The following NOL11 variants were observed in gnomAD, a reference collection of about 807,000 sequenced individuals.
NOL11 encodes the protein nucleolar protein 11.
A neutral mutation model predicts 93.0 loss-of-function variants in NOL11; 42 were observed. The observed-to-expected ratio is 0.45, with a 90% CI of 0.35 to 0.58. NOL11 has a LOEUF of 0.58. NOL11 is among the 20% of genes least tolerant of loss of function. The pLI is 0.00. For synonymous variants in NOL11, 296 were observed against 293.7 expected (o/e 1.01, Z -0.08); for missense variants, 775 against 841.8 (o/e 0.92, Z 0.98).
At chr17:67,724,854 C>A (rs1200279170) in intron 6 of NOL11, among the ~76,000 whole-genome samples, 1 of 151,970 alleles carries the variant, frequency 6.6e-6, no homozygotes, top group South Asian at 2.1e-4. Context: ...GTCAGGAGAT[C>A]GAGACCATCC....
In NOL11 at chr17:67,739,029, T is replaced by G; in HGVS notation, c.1842+19T>G. 3.2e-6 allele frequency: 5 copies of G among 1,550,296 alleles called. No individual in the cohort carries two copies. Among genetic ancestry groups the G allele is most frequent in the Non-Finnish European group, 3.5e-6 (4 of 1,128,122 alleles). Reference sequence around the variant, plus strand: ...TATCACGGTAAGTGTTCATACAAGTTGTATAGAATTTTACTTCTGGTTTAA... The same window carrying G: ...TATCACGGTAAGTGTTCATACAAGTGGTATAGAATTTTACTTCTGGTTTAA... On this transcript the variant is annotated intron_variant, in intron 15 of 17. Transcript: ENST00000253247.
rs772379633 is a variant in NOL11, at chr17:67,726,530, A to G, written c.735A>G (p.Leu245=). Residue 245 remains leucine (L), a synonymous_variant, in exon 7 of 18, where the codon TTA becomes TTG. Coordinates refer to ENST00000253247, the MANE Select transcript of NOL11 (RefSeq NM_015462.5). The part of the protein sequence containing the change: ...RPADPEKNQS[L]VKSLLLKAVV... ...CTGACCCAGAAAAAAATCAGAGCTT[A>G]GTTAAATCACTGCTGCTCAAGGCTG... 5 of 1,614,060 alleles carry G rather than the reference A, an allele frequency of 3.1e-6. No homozygotes were observed. The highest frequency in any genetic ancestry group is 4.2e-6 in the Non-Finnish European group (5 of 1,180,036).
chr17:67,739,048 G>T, intron 15 of NOL11, 38 bp downstream of exon 15: 1 of 1,386,264 alleles, frequency 7.2e-7, no homozygotes, highest in Non-Finnish European at 1.0e-6. Flanking sequence ...TTTTACTTCT[G>T]GTTTAAATAT....
intron 6 of NOL11, among the ~76,000 whole-genome samples, chr17:67,725,941 G>T (rs1164019281): frequency 6.6e-6 from 1 of 152,048 alleles, no homozygotes; most frequent in East Asian, 1.9e-4. Flanking sequence ...TAATTAGCTG[G>T]GTGAGGTTTG....
At chr17:67,723,287 C>T (rs4324166) in intron 5 of NOL11, among the ~76,000 whole-genome samples, 119,277 of 150,970 alleles carry the variant, frequency 0.79, 47,991 homozygotes, top group Non-Finnish European at 0.87. Context: ...GCTGGGATTA[C>T]AGGCGTGAGC....
intron 6 of NOL11, among the ~76,000 whole-genome samples, chr17:67,724,529 G>A (rs1015209693): frequency 4.6e-5 from 7 of 151,748 alleles, no homozygotes; most frequent in Non-Finnish European, 8.8e-5. Flanking sequence ...AGACGGTTTC[G>A]CCATGTTGGT....
intron 8 of NOL11, among the ~76,000 whole-genome samples, 159 bp from the exon 9 acceptor site, chr17:67,735,741 C>T (rs1567803862): frequency 6.6e-6 from 1 of 152,068 alleles, no homozygotes; most frequent in Admixed American, 6.6e-5. Flanking sequence ...AAAATAAGAG[C>T]CTATTTAATA....
chr17:67,725,745 A>C (rs1303637321), intron 6 of NOL11, among the ~76,000 whole-genome samples: 1 of 152,174 alleles, frequency 6.6e-6, no homozygotes, highest in African/African-American at 2.4e-5. Flanking sequence ...GGCCCACAAG[A>C]AAGAGCAATT....
chr17:67,741,139 G>A (rs886944945), intron 16 of NOL11, among the ~76,000 whole-genome samples: 82 of 151,984 alleles, frequency 5.4e-4, no homozygotes, highest in Non-Finnish European at 2.9e-5. Context: ...GCACGATCTC[G>A]GCTCACTGCA....
At chr17:67,722,227 T>G (rs1453832127) in intron 4 of NOL11, among the ~76,000 whole-genome samples, 3 of 152,212 alleles carry the variant, frequency 2.0e-5, no homozygotes, top group Non-Finnish European at 4.4e-5. Flanking sequence ...CTCAGCTTCC[T>G]CTATATTGAG....
At chr17:67,724,332 CTTTTTT>C (rs34287872) in intron 6 of NOL11, 139 bp downstream of exon 6, 66 of 250,626 alleles carry the variant, frequency 2.6e-4, no homozygotes, top group South Asian at 6.4e-4. Flanking sequence ...CATGCCTTCA[CTTTTTT>C]TTTTTTTTTT....
intron 7 of NOL11, among the ~76,000 whole-genome samples, chr17:67,732,729 A>G (rs1351506723): frequency 6.6e-6 from 1 of 151,062 alleles, no homozygotes. Context: ...GCATGCCATC[A>G]TGCCTGGCTA....
At chr17:67,740,069 C>G (rs995756602) in intron 16 of NOL11, among the ~76,000 whole-genome samples, 6 of 151,932 alleles carry the variant, frequency 3.9e-5, no homozygotes, top group African/African-American at 1.5e-4. Context: ...AACCCTGTCT[C>G]TACTAAAAAC....
rs2043216832 is a variant in NOL11 at position 67,721,419 on chromosome 17, A to G, written c.354A>G (p.Thr118=). The change falls in exon 4 of 18, where the codon ACA becomes ACG. Residue 118 remains threonine, a synonymous_variant. Coordinates refer to ENST00000253247, the MANE Select transcript of NOL11 (RefSeq NM_015462.5). The part of the protein sequence containing the change: ...EVYRILSVQG[T]EPLVLFKEGA... ...ATAGGATACTTTCAGTGCAAGGGAC[A>G]GAACCCTTGGTGCTCTTCAAGGAAG... is the stretch of plus-strand genomic sequence containing the variant. 1.2e-6 allele frequency: 2 copies of G among 1,612,998 alleles called. No homozygotes were observed. The highest frequency in any genetic ancestry group is 1.1e-5 in the South Asian group (1 of 90,944).
At chr17:67,737,734 C>G (rs1567804867) in intron 12 of NOL11, 42 bp downstream of exon 12, 1 of 1,587,776 alleles carries the variant, frequency 6.3e-7, no homozygotes, top group Non-Finnish European at 8.6e-7. Flanking sequence ...CATAATTCTT[C>G]TGACCTTGTT....
At chr17:67,724,764 A>C (rs896347205) in intron 6 of NOL11, among the ~76,000 whole-genome samples, 8 of 152,264 alleles carry the variant, frequency 5.3e-5, no homozygotes, top group African/African-American at 1.9e-4. Context: ...TTATGTCTTA[A>C]AATTTACCAT....
At chr17:67,742,708 T>C (rs2055267408) in intron 16 of NOL11, among the ~76,000 whole-genome samples, 2 of 152,160 alleles carry the variant, frequency 1.3e-5, no homozygotes, top group Admixed American at 1.3e-4. Flanking sequence ...CCCTCCCAAA[T>C]GGATAGCCAG....
chr17:67,722,012 C>G (rs1221872007), intron 4 of NOL11, among the ~76,000 whole-genome samples: 1 of 152,332 alleles, frequency 6.6e-6, no homozygotes, highest in Admixed American at 6.5e-5. Flanking sequence ...TACTTGTTTT[C>G]TCCAGGTCCA....
Position 67,737,060 on chromosome 17 carries a change from C to T in NOL11, c.1144-11C>T. The T allele has an allele frequency of 1.9e-6, 3 of 1,568,952 alleles. No homozygotes were observed. The highest frequency in any genetic ancestry group is 1.8e-6 in the Non-Finnish European group (2 of 1,139,452). ...TTGTTTTGTGATCCTAATCAATTTA[C>T]TTAATTCCAGTTAAGGAGACGAAAA... On this transcript the variant is annotated splice_polypyrimidine_tract_variant and intron_variant, in intron 10 of 17. Transcript: ENST00000253247.
Sources: gnomAD v4.1 joint callset for allele counts (sites outside exome capture counted in the v4.1 genomes callset) on GRCh38, gnomAD v4.1.1 for gene constraint, MANE v1.5 for transcripts, NCBI Gene and HGNC (gene_info 2026-07-23, HGNC 2026-07-21) for gene names.